UNC13C: variants seen among roughly 807,000 people sequenced by gnomAD.
UNC13C encodes unc-13 homolog C.
In UNC13C, 174 loss-of-function variants were observed where a neutral mutation model predicts 245.4. The ratio of observed to expected loss-of-function variants is 0.71; its 90% CI spans 0.63 to 0.80. The LOEUF (loss-of-function observed/expected upper bound fraction) is 0.80. UNC13C is among the 30% of genes least tolerant of loss of function. The pLI is 0.00. For synonymous variants in UNC13C, 992 were observed against 895.1 expected, an observed-to-expected ratio of 1.11 and a Z score of -1.93; for missense variants, 2,829 against 2,602.9, an observed-to-expected ratio of 1.09 and a Z score of -1.89.
At chr15:54,223,349 C>G (rs1188224332) in intron 4 of UNC13C, among the ~76,000 whole-genome samples, 2 of 151,974 alleles carry the variant, frequency 1.3e-5, no homozygotes, top group Admixed American at 6.6e-5. Flanking sequence ...TTGAAGAGGA[C>G]TATCATTTCC....
intron 2 of UNC13C, among the ~76,000 whole-genome samples, chr15:54,072,409 C>A (rs1898370611): frequency 6.6e-6 from 1 of 152,126 alleles, no homozygotes; most frequent in African/African-American, 2.4e-5. Flanking sequence ...GAATGCCCAG[C>A]AAAAGGCCTG....
chr15:53,937,123 G>T, the UNC13C span, among the ~76,000 whole-genome samples: 1 of 152,164 alleles, frequency 6.6e-6, no homozygotes, highest in South Asian at 2.1e-4. Flanking sequence ...ATGCAAAGAA[G>T]CGAAAAATCA....
intron 19 of UNC13C, among the ~76,000 whole-genome samples, chr15:54,469,447 T>A (rs1378661955): frequency 6.6e-6 from 1 of 151,480 alleles, no homozygotes; most frequent in Non-Finnish European, 1.5e-5. Flanking sequence ...GGTTAGGACT[T>A]TCAGTACAGT....
At chr15:54,063,742 T>C (rs12901954) in intron 2 of UNC13C, among the ~76,000 whole-genome samples, 30,310 of 152,136 alleles carry the variant, frequency 0.2, 3,177 homozygotes, top group Admixed American at 0.29. Flanking sequence ...AAAGCAATGC[T>C]ATGCTTCCAT....
chr15:54,305,366 C>T (rs1438278294), intron 13 of UNC13C, among the ~76,000 whole-genome samples: 1 of 152,034 alleles, frequency 6.6e-6, no homozygotes. Flanking sequence ...GAGGAAGTTT[C>T]AGAGTACTGA....
intron 19 of UNC13C, among the ~76,000 whole-genome samples, chr15:54,451,268 A>AT (rs1259643020): frequency 6.6e-6 from 1 of 151,964 alleles, no homozygotes; most frequent in Non-Finnish European, 1.5e-5. Context: ...TGAAGGGTAA[A>AT]TTTTTGGGGT....
intron 2 of UNC13C, among the ~76,000 whole-genome samples, chr15:54,079,973 A>G: frequency 7.4e-6 from 1 of 134,740 alleles, no homozygotes; most frequent in Non-Finnish European, 1.6e-5. Flanking sequence ...GATTATTTTG[A>G]GGTACTTCCT....
At chr15:53,988,266 T>C (rs1297359489) in intron 1 of UNC13C, among the ~76,000 whole-genome samples, 1 of 152,060 alleles carries the variant, frequency 6.6e-6, no homozygotes, top group Non-Finnish European at 1.5e-5. Flanking sequence ...AATACAGCAG[T>C]TTCCTATGTT....
chr15:54,562,320 G>A (rs1028155982), intron 29 of UNC13C, among the ~76,000 whole-genome samples: 1 of 151,906 alleles, frequency 6.6e-6, no homozygotes, highest in Non-Finnish European at 1.5e-5. Flanking sequence ...TAGCCTAAGA[G>A]GTTAAATAAA....
At chr15:54,073,043 C>A (rs998967712) in intron 2 of UNC13C, among the ~76,000 whole-genome samples, 1 of 152,110 alleles carries the variant, frequency 6.6e-6, no homozygotes, top group African/African-American at 2.4e-5. Context: ...CCCTCCACCC[C>A]CCGACAGGCC....
At chr15:53,974,058 T>C (rs1208402816), upstream of UNC13C, among the ~76,000 whole-genome samples, 1 of 152,200 alleles carries the variant, frequency 6.6e-6, no homozygotes, top group Non-Finnish European at 1.5e-5. Flanking sequence ...CTTGCAAGAC[T>C]TTGAGCCTGT....
rs745439224 is a variant in UNC13C, at chr15:54,077,270, G to A, written c.2983+61384G>A. On this transcript the variant is annotated intron_variant, in intron 2 of 32. Transcript: ENST00000260323. ...GATTATTAAACATGTTTCTTATGGT[G>A]CATTTTGATACATTTTCTTATTTGC... Among the ~76,000 whole-genome samples, 12 of 151,176 alleles carry A rather than the reference G, an allele frequency of 7.9e-5. 1 individual carries two copies. The highest frequency in any genetic ancestry group is 1.2e-4 in the Non-Finnish European group (8 of 67,838).
intron 4 of UNC13C, among the ~76,000 whole-genome samples, chr15:54,155,290 A>T (rs1177567291): frequency 6.6e-6 from 1 of 152,166 alleles, no homozygotes; most frequent in African/African-American, 2.4e-5. Context: ...AAACTTGATT[A>T]TATGATGGTG....
intron 2 of UNC13C, among the ~76,000 whole-genome samples, chr15:54,134,611 C>G (rs1274106219): frequency 6.6e-6 from 1 of 152,086 alleles, no homozygotes; most frequent in Non-Finnish European, 1.5e-5. Flanking sequence ...GCTCCGCCCC[C>G]AGGGTTCACG....
chr15:53,857,636 C>G, the UNC13C span, among the ~76,000 whole-genome samples: 1 of 152,192 alleles, frequency 6.6e-6, no homozygotes, highest in South Asian at 2.1e-4. Context: ...AGGCTCTGTG[C>G]TGTCTATACC....
intron 4 of UNC13C, among the ~76,000 whole-genome samples, chr15:54,231,759 C>A (rs1241438072): frequency 6.6e-6 from 1 of 151,998 alleles, no homozygotes; most frequent in Non-Finnish European, 1.5e-5. Context: ...GAAACAGCTT[C>A]TTTTCTTATC....
chr15:54,407,829 A>G (rs1163087657), intron 18 of UNC13C, among the ~76,000 whole-genome samples: 1 of 152,130 alleles, frequency 6.6e-6, no homozygotes, highest in Non-Finnish European at 1.5e-5. Flanking sequence ...GAAAAACCCA[A>G]TAGCCTAATA....
At chr15:54,167,955 T>C (rs376360999) in intron 4 of UNC13C, among the ~76,000 whole-genome samples, 20 of 152,214 alleles carry the variant, frequency 1.3e-4, no homozygotes, top group African/African-American at 4.8e-4. Flanking sequence ...TGTTAAAAAC[T>C]AAAACAACAT....
chr15:54,626,787 G>T, intron 32 of UNC13C, 41 bp from the exon 33 acceptor site: 2 of 1,562,916 alleles, frequency 1.3e-6, no homozygotes, highest in South Asian at 1.2e-5. Flanking sequence ...CCTAGTGGAA[G>T]TAAAGTTTTT....
Sources: gnomAD v4.1 joint callset for allele counts (sites outside exome capture counted in the v4.1 genomes callset) on GRCh38, gnomAD v4.1.1 for gene constraint, MANE v1.5 for transcripts, NCBI Gene and HGNC (gene_info 2026-07-23, HGNC 2026-07-21) for gene names.